The following SPRY4 variants were observed in gnomAD, a reference collection of about 807,000 sequenced individuals.
The protein encoded by SPRY4 is protein sprouty homolog 4.
A neutral mutation model predicts 17.0 loss-of-function variants in SPRY4; 7 were observed. That is an observed-to-expected ratio of 0.41 (90% CI 0.23 to 0.77). The LOEUF (loss-of-function observed/expected upper bound fraction) is 0.77, where lower values mean the gene tolerates loss of function less well. Ranked by LOEUF, SPRY4 falls within the 30% of genes least tolerant of loss-of-function variation. The pLI is 0.32. For missense variants in SPRY4, 435 were observed against 419.9 expected (o/e 1.04, Z -0.31); for synonymous variants, 183 against 174.1 (o/e 1.05, Z -0.40).
In SPRY4 at chr5:142,324,887, A is replaced by G. The variant is rs1345218300; in HGVS notation, c.-91T>C. On this transcript the variant is annotated 5_prime_UTR_variant, in exon 1 of 2. Coordinates refer to ENST00000434127, the MANE Select transcript of SPRY4 (RefSeq NM_001127496.3). The stretch of plus-strand genomic sequence containing the variant: ...CACAAGCATCGCCCCACGTCTGTGT[A>G]AATCCTGAAGCCGGGGCAGGTTAGC... The G allele has an allele frequency of 2.6e-5, 4 of 152,690 alleles. No individual in the cohort carries two copies. The highest frequency in any genetic ancestry group is 2.6e-4 in the Admixed American group (4 of 15,290). The allele number at this position is 152,690 out of a possible 1,614,324, so 9.5% of individuals were successfully genotyped here. A position where few individuals can be genotyped will look rare whatever the true frequency, so the allele number is the denominator to read the frequency against.
chr5:142,322,472 G>GAAA (rs560148371), intron 1 of SPRY4, among the ~76,000 whole-genome samples: 28,902 of 135,102 alleles, frequency 0.21, 4,064 homozygotes, highest in East Asian at 0.6. Flanking sequence ...CTCGTCTCAA[G>GAAA]AAAAAAAAAA....
chr5:142,314,173 T>C lies in SPRY4; in HGVS notation c.*36A>G. The C allele has an allele frequency of 6.4e-7, 1 of 1,568,648 alleles. No homozygotes were observed. Among genetic ancestry groups the C allele is most frequent in the Non-Finnish European group, 8.6e-7 (1 of 1,159,494 alleles). On this transcript the variant is annotated 3_prime_UTR_variant, in exon 2 of 2. Transcript: ENST00000434127. The surrounding 1 kb of genome is among the most constrained non-coding windows in gnomAD (Gnocchi z 4.8). ...TCTTAGATGTCAGAAGAGAACCAGG[T>C]TTCCAGGCAGAGCACTGGGGCTTCG...
chr5:142,314,637 G>A lies in SPRY4; in HGVS notation c.472C>T (p.Leu158=), dbSNP rs1433317996. The change falls in exon 2 of 2, where the codon CTG becomes TTG. Residue 158 remains leucine (L), a synonymous_variant. Coordinates refer to ENST00000434127, the MANE Select transcript of SPRY4 (RefSeq NM_001127496.3). This position sits in a 1 kb window ranked among gnomAD's most constrained non-coding sequence, Gnocchi z 4.8. ...TTACACTTCCCACAGGCCTCGCACA[G>A]CAAGAAGTGCTTGTCCAGCTCGGGT... is the stretch of plus-strand genomic sequence containing the variant. ...VPPELDKHFL[L]CEACGKCKCK... is the part of the protein sequence containing the mutation. 3 of 1,614,262 alleles carry A rather than the reference G, an allele frequency of 1.9e-6. No individual in the cohort carries two copies. The highest frequency in any genetic ancestry group is 1.7e-6 in the Non-Finnish European group (2 of 1,180,044).
chr5:142,322,345 C>T (rs547609383), intron 1 of SPRY4, among the ~76,000 whole-genome samples: 374 of 152,096 alleles, frequency 2.5e-3, no homozygotes, highest in Non-Finnish European at 4.7e-3. Flanking sequence ...GTGGCACACA[C>T]CTGTAATTCC....
In SPRY4 at chr5:142,315,094, G is replaced by C; in HGVS notation, c.15C>G (p.Ile5Met). 1 of 1,611,450 alleles carries C rather than the reference G, an allele frequency of 6.2e-7. No individual in the cohort carries two copies. Among genetic ancestry groups the C allele is most frequent in the Non-Finnish European group, 8.5e-7 (1 of 1,179,946 alleles). MEPPIPQSAPLTPNS... is the reference protein window; with the variant it reads MEPPMPQSAPLTPNS... The stretch of plus-strand genomic sequence containing the variant: ...TGGGAGTCAAGGGGGCGCTCTGTGG[G>C]ATCGGGGGCTCCATGGGGCTGGAGG... The change falls in exon 2 of 2, where the codon ATC (isoleucine) becomes ATG (methionine). Residue 5 changes from isoleucine (I) to methionine (M), a missense_variant. By Grantham distance (10) the Ile-to-Met change is conservative. Transcript: ENST00000434127.
chr5:142,316,108 G>A (rs940929719), intron 1 of SPRY4, among the ~76,000 whole-genome samples: 1 of 152,122 alleles, frequency 6.6e-6, no homozygotes, highest in South Asian at 2.1e-4. Flanking sequence ...CTCTCGAGGG[G>A]CACTCACATC....
intron 1 of SPRY4, among the ~76,000 whole-genome samples, chr5:142,322,133 A>T (rs1438785922): frequency 6.6e-6 from 1 of 152,230 alleles, no homozygotes; most frequent in East Asian, 1.9e-4. Context: ...TGGGCAGGAC[A>T]GATTTCCAAA....
Position 142,312,198 on chromosome 5 carries a change from T to TA in SPRY4, c.*2010dup, listed in dbSNP as rs926312390. 1.3e-5 allele frequency: 2 copies of TA among 152,590 alleles called. No homozygotes were observed. Among genetic ancestry groups the TA allele is most frequent in the African/African-American group, 4.8e-5 (2 of 41,430 alleles). 9.5% of individuals were successfully genotyped at this position (152,590 alleles called of 1,614,324 possible). A position where few individuals can be genotyped will look rare whatever the true frequency, so the allele number is the denominator to read the frequency against. On this transcript the variant is annotated 3_prime_UTR_variant, in exon 2 of 2. Coordinates refer to ENST00000434127, the MANE Select transcript of SPRY4 (RefSeq NM_001127496.3). ...GTACACTTCTGATACATTCAATTCA[T>TA]ATAAGTGGTTGGCTGAATGTGTGTT...
Position 142,314,270 on chromosome 5 carries a change from C to T in SPRY4, c.839G>A (p.Ser280Asn). Residue 280 changes from serine to asparagine, a missense_variant, in exon 2 of 2, where the codon AGC becomes AAC. Coordinates refer to ENST00000434127, the MANE Select transcript of SPRY4 (RefSeq NM_001127496.3). The surrounding 1 kb of genome is among the most constrained non-coding windows in gnomAD (Gnocchi z 4.8). ...CCCGCTGGCTGCTTTGCAGATGACG[C>T]TGTTCGTGTGCTTGCAGCGGCAACC... ...RPGCRCKHTN[S>N]VICKAASGDA... 1 of 1,613,574 alleles carries T rather than the reference C, an allele frequency of 6.2e-7. No homozygotes were observed. The highest frequency in any genetic ancestry group is 8.5e-7 in the Non-Finnish European group (1 of 1,179,980).
chr5:142,320,514 G>A (rs984354558), intron 1 of SPRY4, among the ~76,000 whole-genome samples: 2 of 152,162 alleles, frequency 1.3e-5, no homozygotes, highest in African/African-American at 2.4e-5. Context: ...ACACGGAAGG[G>A]TGGGAATCTT....
chr5:142,320,008 G>A (rs1759292808), intron 1 of SPRY4, among the ~76,000 whole-genome samples: 1 of 152,192 alleles, frequency 6.6e-6, no homozygotes. Context: ...GCCCCATTCA[G>A]TCTCAGCGGG....
intron 1 of SPRY4, among the ~76,000 whole-genome samples, chr5:142,322,481 A>T (rs1294652766): frequency 1.4e-4 from 16 of 115,912 alleles, no homozygotes; most frequent in African/African-American, 4.1e-4. Flanking sequence ...AGAAAAAAAA[A>T]AAATATATAT....
rs1334801437 is a variant in SPRY4, at chr5:142,314,248, G to A, written c.861C>T (p.Ser287=). ...CGGGCCTGCTGGTCTTGGCATCCCC[G>A]CTGGCTGCTTTGCAGATGACGCTGT... ...HTNSVICKAA[S]GDAKTSRPDK... is the part of the protein sequence containing the mutation. Residue 287 remains serine, a synonymous_variant, in exon 2 of 2, where the codon AGC becomes AGT. Transcript: ENST00000434127. This position sits in a 1 kb window ranked among gnomAD's most constrained non-coding sequence, Gnocchi z 4.8. 9.3e-6 allele frequency: 15 copies of A among 1,612,002 alleles called. No homozygotes were observed. The highest frequency in any genetic ancestry group is 1.2e-5 in the Non-Finnish European group (14 of 1,179,574).
In SPRY4 at chr5:142,314,929, C is replaced by A; in HGVS notation, c.180G>T (p.Leu60=). The change falls in exon 2 of 2, where the codon CTG becomes CTT. Residue 60 remains leucine (L), a synonymous_variant. Transcript: ENST00000434127. This position sits in a 1 kb window ranked among gnomAD's most constrained non-coding sequence, Gnocchi z 4.8. The stretch of plus-strand genomic sequence containing the variant: ...CCCGGGTCCGCTTTGGGCCGGTGGT[C>A]AGGGCCAGGCTAGGGTTGTCTATGT... ...NDYIDNPSLA[L]TTGPKRTRGG... 2 of 1,612,976 alleles carry A rather than the reference C, an allele frequency of 1.2e-6. No homozygotes were observed. Among genetic ancestry groups the A allele is most frequent in the Admixed American group, 3.3e-5 (2 of 59,990 alleles).
Position 142,315,114 on chromosome 5 carries a change from T to A in SPRY4, c.-6A>T. On this transcript the variant is annotated 5_prime_UTR_variant, in exon 2 of 2. Transcript: ENST00000434127. ...TGTGGGATCGGGGGCTCCATGGGGCTGGAGGTCCTGGACTGTACGGAGAAA... is the reference window on the plus strand; with the variant it reads ...TGTGGGATCGGGGGCTCCATGGGGCAGGAGGTCCTGGACTGTACGGAGAAA... 1 of 1,599,370 alleles carries A rather than the reference T, an allele frequency of 6.3e-7. No homozygotes were observed. Among genetic ancestry groups the A allele is most frequent in the Non-Finnish European group, 8.5e-7 (1 of 1,177,636 alleles).
chr5:142,314,333 T>C lies in SPRY4; in HGVS notation c.776A>G (p.Lys259Arg), dbSNP rs1194842073. The part of the protein sequence containing the change: ...LCYLPATGCV[K>R]LAQRGYDRLR... ...ACGGTCGTAGCCACGCTGGGCCAGC[T>C]TCACGCAGCCGGTGGCAGGCAGGTA... The change falls in exon 2 of 2, where the codon AAG becomes AGG. Residue 259 changes from lysine to arginine, a missense_variant. Coordinates refer to ENST00000434127, the MANE Select transcript of SPRY4 (RefSeq NM_001127496.3). This position sits in a 1 kb window ranked among gnomAD's most constrained non-coding sequence, Gnocchi z 4.8. 1.2e-6 allele frequency: 2 copies of C among 1,614,046 alleles called. No homozygotes were observed. Among genetic ancestry groups the C allele is most frequent in the Non-Finnish European group, 1.7e-6 (2 of 1,179,968 alleles).
chr5:142,321,511 G>T (rs973942871), intron 1 of SPRY4, among the ~76,000 whole-genome samples: 1 of 152,166 alleles, frequency 6.6e-6, no homozygotes, highest in Non-Finnish European at 1.5e-5. Context: ...AGGGAGATAA[G>T]GTCGGCCCTG....
At chr5:142,322,559 CTA>C (rs376774729) in intron 1 of SPRY4, among the ~76,000 whole-genome samples, 4 of 151,868 alleles carry the variant, frequency 2.6e-5, no homozygotes, top group African/African-American at 4.8e-5. Context: ...CTCTGCCCTA[CTA>C]TGTGTTCTGT....
rs575715757 is a variant in SPRY4 at position 142,310,573 on chromosome 5, C to T, written c.*3636G>A. On this transcript the variant is annotated 3_prime_UTR_variant, in exon 2 of 2. Coordinates refer to ENST00000434127, the MANE Select transcript of SPRY4 (RefSeq NM_001127496.3). ...TAAAATAAATACTATTAAAATAGAG[C>T]TTCAAAATAAATATTCTATACAAAG... is the stretch of plus-strand genomic sequence containing the variant. 8.7e-4 allele frequency: 132 copies of T among 152,398 alleles called. No homozygotes were observed. The highest frequency in any genetic ancestry group is 2.9e-3 in the African/African-American group (121 of 41,436). The allele number at this position is 152,398 out of a possible 1,614,324, so 9.4% of individuals were successfully genotyped here.
Sources: allele counts gnomAD v4.1 joint callset (sites outside exome capture counted in the v4.1 genomes callset), GRCh38; gene constraint gnomAD v4.1.1; non-coding constraint Gnocchi (gnomAD v3.1); transcripts MANE v1.5; gene names NCBI Gene and HGNC (gene_info 2026-07-23, HGNC 2026-07-21).